The following RNF31 variants were observed in gnomAD, a reference collection of about 807,000 sequenced individuals.
The protein encoded by RNF31 is E3 ubiquitin-protein ligase RNF31.
RNF31 carries 38 observed loss-of-function variants against 133.6 expected under a neutral mutation model. The observed-to-expected ratio is 0.28, with a 90% CI of 0.22 to 0.37. RNF31 has a LOEUF of 0.37. Among genes scored for constraint, RNF31 ranks in the 10% least tolerant of loss-of-function variants. The pLI, the probability that RNF31 is intolerant of heterozygous loss-of-function variation, is 1.00. For synonymous variants in RNF31, 582 were observed against 552.3 expected (o/e 1.05, Z -0.75); for missense variants, 1,118 against 1,394.1 (o/e 0.80, Z 3.15).
At position 24,155,271 on chromosome 14, in the gene RNF31, C is replaced by T. The variant is rs746707083; in HGVS notation, c.2245C>T (p.Arg749Cys). Residue 749 changes from arginine (R) to cysteine (C), a missense_variant, in exon 12 of 21, where the codon CGC becomes TGC. This residue lies in a region of RNF31 where 201 missense variants were observed against 371.7 expected (regional missense o/e 0.54). Coordinates refer to ENST00000324103, the MANE Select transcript of RNF31 (RefSeq NM_017999.5). This position sits in a 1 kb window ranked among gnomAD's most constrained non-coding sequence, Gnocchi z 4.9. ...AGACATGGTGTGCCCTGCCTGTGGC[C>T]GCCCCGACCTCACCGATGACACACA... is the stretch of plus-strand genomic sequence containing the variant. ...ITDMVCPACGRPDLTDDTQLL... is the reference protein window; with the variant it reads ...ITDMVCPACGCPDLTDDTQLL... 5 of 1,614,036 alleles carry T rather than the reference C, an allele frequency of 3.1e-6. No individual in the cohort carries two copies. The highest frequency in any genetic ancestry group is 1.3e-5 in the African/African-American group (1 of 74,902).
Position 24,149,586 on chromosome 14 carries a change from G to C in RNF31, c.809+3G>C. On this transcript the variant is annotated splice_donor_region_variant and intron_variant, in intron 6 of 20. Coordinates refer to ENST00000324103, the MANE Select transcript of RNF31 (RefSeq NM_017999.5). Reference sequence around the variant, plus strand: ...CAGGGTACCCACCTGAGCCCCAGGTGAGAGGGCTTCTCTTCTGGGTGGGAG... The same window carrying C: ...CAGGGTACCCACCTGAGCCCCAGGTCAGAGGGCTTCTCTTCTGGGTGGGAG... The C allele has an allele frequency of 6.2e-7, 1 of 1,611,430 alleles. No homozygotes were observed. The highest frequency in any genetic ancestry group is 8.5e-7 in the Non-Finnish European group (1 of 1,178,652).
chr14:24,151,751 C>G lies in RNF31; in HGVS notation c.1924-35C>G. The G allele has an allele frequency of 6.3e-7, 1 of 1,599,538 alleles. No individual in the cohort carries two copies. The highest frequency in any genetic ancestry group is 8.5e-7 in the Non-Finnish European group (1 of 1,172,044). ...GAGGGGAAGGGTCCCTGGAGTCTGA[C>G]AGCACTTCCCCCCTCCACCTGAATC... On this transcript the variant is annotated intron_variant, in intron 10 of 20. Transcript: ENST00000324103. This position sits in a 1 kb window ranked among gnomAD's most constrained non-coding sequence, Gnocchi z 5.3.
intron 18 of RNF31, among the ~76,000 whole-genome samples, chr14:24,158,970 T>C (rs1165213802): frequency 2.8e-5 from 4 of 141,060 alleles, no homozygotes; most frequent in Admixed American, 1.5e-4. Context: ...GAGGCGGAGC[T>C]TGCAGTGAGC....
rs779114348 is a variant in RNF31, at chr14:24,151,783, C to T, written c.1924-3C>T. On this transcript the variant is annotated splice_polypyrimidine_tract_variant and splice_region_variant and intron_variant, in intron 10 of 20. Transcript: ENST00000324103. This position sits in a 1 kb window ranked among gnomAD's most constrained non-coding sequence, Gnocchi z 5.3. ...TCCCCCCTCCACCTGAATCATATTG[C>T]AGAGCCTGGTCAGGCGGCTTTTGGC... The T allele has an allele frequency of 2.5e-6, 4 of 1,607,192 alleles. No homozygotes were observed. In the South Asian group the frequency reaches 4.4e-5, roughly 18 times the overall value.
At position 24,158,173 on chromosome 14, in the gene RNF31, C is replaced by T; in HGVS notation, c.2873C>T (p.Pro958Leu). ...AACGTCATGTTTAATACAGAGCCTC[C>T]AGCTGGGGCCCGGGCAGTCCCTGGA... ...DNNVMFNTEP[P>L]AGARAVPGGG... Residue 958 changes from proline (P) to leucine (L), a missense_variant, in exon 18 of 21, where the codon CCA becomes CTA. Around this residue, in one of 3 missense-constraint regions of RNF31, gnomAD observed 170 missense variants for 194.5 expected, o/e 0.87. Coordinates refer to ENST00000324103, the MANE Select transcript of RNF31 (RefSeq NM_017999.5). 6.2e-7 allele frequency: 1 copy of T among 1,614,242 alleles called. No homozygotes were observed. The highest frequency in any genetic ancestry group is 8.5e-7 in the Non-Finnish European group (1 of 1,180,044).
At position 24,157,316 on chromosome 14, in the gene RNF31, C is replaced by T. The variant is rs755324603; in HGVS notation, c.2520C>T (p.Ser840=). 22 of 1,611,430 alleles carry T rather than the reference C, an allele frequency of 1.4e-5. No homozygotes were observed. ...GGGAGGAGCAGCACCGAGGTCGGAG[C>T]TGTGAGGACTTCCAGAACTGGAAAC... ...RQWEEQHRGR[S]CEDFQNWKRM... is the part of the protein sequence containing the mutation. The change falls in exon 15 of 21, where the codon AGC becomes AGT. Residue 840 remains serine, a synonymous_variant. Coordinates refer to ENST00000324103, the MANE Select transcript of RNF31 (RefSeq NM_017999.5).
At chr14:24,157,797 C>T (rs1475014646) in intron 16 of RNF31, 101 bp from the exon 17 acceptor site, 1 of 1,132,516 alleles carries the variant, frequency 8.8e-7, no homozygotes, top group Non-Finnish European at 1.3e-6. Flanking sequence ...CCTCCAATGT[C>T]TCCATCTCCC....
In RNF31 at chr14:24,155,395, C is replaced by T; in HGVS notation, c.2305-19C>T. On this transcript the variant is annotated intron_variant, in intron 12 of 20. Coordinates refer to ENST00000324103, the MANE Select transcript of RNF31 (RefSeq NM_017999.5). The surrounding 1 kb of genome is among the most constrained non-coding windows in gnomAD (Gnocchi z 4.9). Reference sequence around the variant, plus strand: ...GAACAGGGACCCTCCCACCCACCACCTCTGCATCCTGTCCCCAGCTTCGCG... The same window carrying T: ...GAACAGGGACCCTCCCACCCACCACTTCTGCATCCTGTCCCCAGCTTCGCG... 1 of 1,614,168 alleles carries T rather than the reference C, an allele frequency of 6.2e-7. No individual in the cohort carries two copies.
In RNF31 at chr14:24,155,105, G is replaced by T; in HGVS notation, c.2131-52G>T. On this transcript the variant is annotated intron_variant, in intron 11 of 20. Coordinates refer to ENST00000324103, the MANE Select transcript of RNF31 (RefSeq NM_017999.5). This position sits in a 1 kb window ranked among gnomAD's most constrained non-coding sequence, Gnocchi z 4.9. ...ACACCTGGCCACTGCCTCTTCCCTAGCCTGGCAGCTGTGGCTTCTGACCCC... is the reference window on the plus strand; with the variant it reads ...ACACCTGGCCACTGCCTCTTCCCTATCCTGGCAGCTGTGGCTTCTGACCCC... 2 of 1,578,022 alleles carry T rather than the reference G, an allele frequency of 1.3e-6. No homozygotes were observed. The highest frequency in any genetic ancestry group is 2.3e-5 in the East Asian group (1 of 44,394).
chr14:24,149,585 T>G lies in RNF31; in HGVS notation c.809+2T>G. The G allele has an allele frequency of 1.9e-6, 3 of 1,611,340 alleles. No individual in the cohort carries two copies. Among genetic ancestry groups the G allele is most frequent in the Non-Finnish European group, 2.5e-6 (3 of 1,178,598 alleles). On this transcript the variant is annotated splice_donor_variant, in intron 6 of 20. Transcript: ENST00000324103. LOFTEE classifies it high-confidence loss of function. ...GCAGGGTACCCACCTGAGCCCCAGG[T>G]GAGAGGGCTTCTCTTCTGGGTGGGA... is the stretch of plus-strand genomic sequence containing the variant.
At chr14:24,152,925 T>TA (rs201185142) in intron 11 of RNF31, among the ~76,000 whole-genome samples, 1,603 of 151,548 alleles carry the variant, frequency 0.011, 35 homozygotes, top group African/African-American at 0.035. Context: ...ACTAAAAATG[T>TA]AAAAAATTAG....
chr14:24,160,017 C>T lies in RNF31; in HGVS notation c.2996+57C>T. ...GGGCAGTGGGTAGAAGTGGTGAGGGCATGCCCAGGCAGTAAAATGGGTCCT... is the reference window on the plus strand; with the variant it reads ...GGGCAGTGGGTAGAAGTGGTGAGGGTATGCCCAGGCAGTAAAATGGGTCCT... On this transcript the variant is annotated intron_variant, in intron 19 of 20. Coordinates refer to ENST00000324103, the MANE Select transcript of RNF31 (RefSeq NM_017999.5). This position sits in a 1 kb window ranked among gnomAD's most constrained non-coding sequence, Gnocchi z 4.0. 6.6e-7 allele frequency: 1 copy of T among 1,522,818 alleles called. No homozygotes were observed. Among genetic ancestry groups the T allele is most frequent in the Non-Finnish European group, 9.0e-7 (1 of 1,107,072 alleles). 94.3% of individuals were successfully genotyped at this position (1,522,818 alleles called of 1,614,324 possible).
chr14:24,154,357 G>C (rs892010768), intron 11 of RNF31, among the ~76,000 whole-genome samples: 2 of 152,106 alleles, frequency 1.3e-5, no homozygotes, highest in African/African-American at 4.8e-5. Context: ...GGTCAGGCTG[G>C]TCTGGAACTC....
At chr14:24,154,514 G>C (rs746117018) in intron 11 of RNF31, among the ~76,000 whole-genome samples, 1 of 152,210 alleles carries the variant, frequency 6.6e-6, no homozygotes, top group Non-Finnish European at 1.5e-5. Context: ...CTAGCCTCAA[G>C]TGATGCGCCC....
Position 24,147,996 on chromosome 14 carries a change from C to G in RNF31, c.213C>G (p.Thr71=), listed in dbSNP as rs1354820142. The stretch of plus-strand genomic sequence containing the variant: ...CCCAGCCCCGAAACTACCTCAACAC[C>G]CTGTCCACGGCTCTGAACATCCTGG... ...AHGEPRNYLN[T]LSTALNILEK... is the part of the protein sequence containing the mutation. The change falls in exon 2 of 21, where the codon ACC becomes ACG. Residue 71 remains threonine (T), a synonymous_variant. Transcript: ENST00000324103. The G allele has an allele frequency of 6.2e-7, 1 of 1,613,836 alleles. No homozygotes were observed. Among genetic ancestry groups the G allele is most frequent in the East Asian group, 2.2e-5 (1 of 44,842 alleles).
chr14:24,150,791 G>A lies in RNF31; in HGVS notation c.1391G>A (p.Arg464His), dbSNP rs138947287. The A allele has an allele frequency of 3.7e-6, 6 of 1,607,340 alleles. No individual in the cohort carries two copies. Among genetic ancestry groups the A allele is most frequent in the Middle Eastern group, 1.7e-4 (1 of 6,036 alleles). The change falls in exon 8 of 21, where the codon CGC becomes CAC. Residue 464 changes from arginine to histidine, a missense_variant. Physicochemically the swap from Arg to His is conservative, Grantham distance 29. This residue lies in a region of RNF31 where 747 missense variants were observed against 827.9 expected (regional missense o/e 0.90). Coordinates refer to ENST00000324103, the MANE Select transcript of RNF31 (RefSeq NM_017999.5). ...KGPPKPGPPR[R>H]LSAPLPSSCG... The stretch of plus-strand genomic sequence containing the variant: ...CCCCCCAAGCCTGGGCCCCCACGAC[G>A]CCTTAGTGCCCCCCTGCCCAGTTCC...
rs556901699 is a variant in RNF31, at chr14:24,150,561, C to T, written c.1198-37C>T. On this transcript the variant is annotated intron_variant, in intron 7 of 20. Coordinates refer to ENST00000324103, the MANE Select transcript of RNF31 (RefSeq NM_017999.5). ...CTGTATTTCTGTTGTGAACTTCAGC[C>T]AGCCAGTCAAAGGGATAATTCTCTC... 1.5e-5 allele frequency: 24 copies of T among 1,589,060 alleles called. No homozygotes were observed. The South Asian group carries it at 1.8e-4, about 12-fold the overall frequency.
chr14:24,151,826 G>C lies in RNF31; in HGVS notation c.1964G>C (p.Ser655Thr). 1 of 1,613,776 alleles carries C rather than the reference G, an allele frequency of 6.2e-7. No individual in the cohort carries two copies. Residue 655 changes from serine (S) to threonine (T), a missense_variant, in exon 11 of 21, where the codon AGC becomes ACC. By Grantham distance (58) the Ser-to-Thr change is moderately conservative. Around this residue, in one of 3 missense-constraint regions of RNF31, gnomAD observed 201 missense variants for 371.7 expected, o/e 0.54. Coordinates refer to ENST00000324103, the MANE Select transcript of RNF31 (RefSeq NM_017999.5). This position sits in a 1 kb window ranked among gnomAD's most constrained non-coding sequence, Gnocchi z 5.3. The part of the protein sequence containing the change: ...RRLLAVYALP[S>T]WGRAELALSL... ...CTTTTGGCAGTCTACGCACTCCCCA[G>C]CTGGGGCCGGGCAGAGCTGGCACTG...
At chr14:24,159,757 C>G in intron 18 of RNF31, 107 bp from the exon 19 acceptor site, 3 of 842,460 alleles carry the variant, frequency 3.6e-6, no homozygotes, top group Non-Finnish European at 5.9e-6. Context: ...TTGCTGTGCT[C>G]GGTCCCTTCC....
Sources: gnomAD v4.1 joint callset for allele counts (sites outside exome capture counted in the v4.1 genomes callset) on GRCh38, gnomAD v4.1.1 for gene constraint, gnomAD v4.1.1 regional missense constraint, Gnocchi (gnomAD v3.1) non-coding constraint, MANE v1.5 for transcripts, NCBI Gene and HGNC (gene_info 2026-07-23, HGNC 2026-07-21) for gene names.